FBN2: variants seen among roughly 807,000 people sequenced by gnomAD.
FBN2 encodes fibrillin 2.
Under a neutral mutation model 355.6 loss-of-function variants are expected in FBN2, and 105 were observed. The observed-to-expected ratio is 0.30, with a 90% CI of 0.25 to 0.35. FBN2 has a LOEUF of 0.35. Ranked by LOEUF, FBN2 falls within the 10% of genes least tolerant of loss-of-function variation. The probability of loss-of-function intolerance (pLI) is 1.00; values close to 1 mark genes in which losing one functional copy is unlikely to be tolerated. For synonymous variants in FBN2, 1,350 were observed against 1,301.2 expected, an observed-to-expected ratio of 1.04 and a Z score of -0.81; for missense variants, 3,280 against 3,758.7, an observed-to-expected ratio of 0.87 and a Z score of 3.33.
intron 23 of FBN2, among the ~76,000 whole-genome samples, chr5:128,346,060 GT>G (rs983010402): frequency 1.3e-3 from 195 of 147,780 alleles, no homozygotes; most frequent in African/African-American, 3.2e-3. Context: ...TACATTTAAA[GT>G]TTTTTTTTTT....
chr5:128,304,214 T>C (rs1395020156), intron 45 of FBN2, among the ~76,000 whole-genome samples: 1 of 152,210 alleles, frequency 6.6e-6, no homozygotes, highest in Non-Finnish European at 1.5e-5. Context: ...AATTTAATTT[T>C]CCCCTTTCAA....
At chr5:128,361,405 C>T (rs1321084796) in intron 19 of FBN2, among the ~76,000 whole-genome samples, 2 of 152,182 alleles carry the variant, frequency 1.3e-5, no homozygotes, top group Non-Finnish European at 2.9e-5. Context: ...GAGGAAAACA[C>T]AGTAAACAAA....
intron 62 of FBN2, among the ~76,000 whole-genome samples, chr5:128,270,813 C>G (rs1346693177): frequency 6.6e-6 from 1 of 151,966 alleles, no homozygotes; most frequent in Admixed American, 6.6e-5. Context: ...GTTTATGAAT[C>G]AATAAATCTG....
At chr5:128,474,036 G>A (rs887842558) in intron 5 of FBN2, among the ~76,000 whole-genome samples, 1 of 152,150 alleles carries the variant, frequency 6.6e-6, no homozygotes, top group Non-Finnish European at 1.5e-5. Flanking sequence ...AGGCCGTAAC[G>A]ATAATTAGGT....
At chr5:128,508,181 T>C (rs1477635361) in intron 5 of FBN2, among the ~76,000 whole-genome samples, 3 of 152,022 alleles carry the variant, frequency 2.0e-5, no homozygotes, top group Non-Finnish European at 4.4e-5. Flanking sequence ...AGATTTCTTA[T>C]AGGCAGCATA....
At chr5:128,349,866 G>A in intron 22 of FBN2, 89 bp downstream of exon 22, 1 of 1,018,688 alleles carries the variant, frequency 9.8e-7, no homozygotes, top group Non-Finnish European at 1.5e-6. Context: ...TTTTGAAAAT[G>A]ATAAATATCT....
chr5:128,459,595 A>C (rs1275874511), intron 6 of FBN2, among the ~76,000 whole-genome samples: 1 of 152,202 alleles, frequency 6.6e-6, no homozygotes, highest in African/African-American at 2.4e-5. Context: ...CACATCAAAA[A>C]ACTTATCCAC....
chr5:128,361,358 A>T (rs111379016), intron 19 of FBN2, among the ~76,000 whole-genome samples: 4 of 152,334 alleles, frequency 2.6e-5, no homozygotes, highest in African/African-American at 9.6e-5. Context: ...ATTACGATTC[A>T]GGTTCCTACA....
chr5:128,424,722 G>A (rs1753441835), intron 7 of FBN2, among the ~76,000 whole-genome samples: 1 of 152,146 alleles, frequency 6.6e-6, no homozygotes, highest in African/African-American at 2.4e-5. Context: ...TACTACTGCA[G>A]CAAAGTAATG....
chr5:128,331,922 G>A (rs986331689), intron 32 of FBN2, among the ~76,000 whole-genome samples: 4 of 152,098 alleles, frequency 2.6e-5, no homozygotes, highest in African/African-American at 4.8e-5. Context: ...ATGGGGCTAC[G>A]AAAATGGGAA....
intron 14 of FBN2, among the ~76,000 whole-genome samples, chr5:128,375,910 T>C (rs1752066189): frequency 6.6e-6 from 1 of 151,956 alleles, no homozygotes; most frequent in African/African-American, 2.4e-5. Context: ...TGGGGGCACA[T>C]GCATGTACTC....
intron 6 of FBN2, among the ~76,000 whole-genome samples, chr5:128,457,940 C>T (rs557645091): frequency 1.4e-4 from 22 of 151,942 alleles, no homozygotes; most frequent in Non-Finnish European, 1.6e-4. Flanking sequence ...TTATGATAAC[C>T]GGATCAAATT....
intron 5 of FBN2, among the ~76,000 whole-genome samples, chr5:128,496,498 A>C (rs1755658750): frequency 6.6e-6 from 1 of 152,104 alleles, no homozygotes; most frequent in African/African-American, 2.4e-5. Flanking sequence ...AGTAGAAGGG[A>C]ACTTCCTCAG....
Position 128,272,123 on chromosome 5 carries a change from A to G in FBN2, c.7841-5T>C, listed in dbSNP as rs759085615. ...TCCCATCACATTCATCAACATCTGCAAAAACAAGCCCGGCAAAACCTTTAT... is the reference window on the plus strand; with the variant it reads ...TCCCATCACATTCATCAACATCTGCGAAAACAAGCCCGGCAAAACCTTTAT... On this transcript the variant is annotated splice_polypyrimidine_tract_variant and splice_region_variant and intron_variant, in intron 61 of 64. Transcript: ENST00000262464. 2 of 1,614,000 alleles carry G rather than the reference A, an allele frequency of 1.2e-6. No individual in the cohort carries two copies. Among genetic ancestry groups the G allele is most frequent in the South Asian group, 2.2e-5 (2 of 91,082 alleles).
At chr5:128,269,283 GTAA>G (rs3989391) in intron 62 of FBN2, among the ~76,000 whole-genome samples, 11,861 of 145,068 alleles carry the variant, frequency 0.082, 1,208 homozygotes, top group East Asian at 0.54. Flanking sequence ...AATAATAATA[GTAA>G]TAATAATAAT....
At position 128,267,176 on chromosome 5, in the gene FBN2, T is replaced by G. The variant is rs151062792; in HGVS notation, c.7961-3520A>C. On this transcript the variant is annotated intron_variant, in intron 62 of 64. Transcript: ENST00000262464. ...GCTCTCATTCCTTTTTATGGCTGCA[T>G]AGTATTCCATGGTGTATATGTACCA... is the stretch of plus-strand genomic sequence containing the variant. Among the ~76,000 whole-genome samples, 974 of 152,340 alleles carry G rather than the reference T, an allele frequency of 6.4e-3. 10 individuals are homozygous for G. Among genetic ancestry groups the G allele is most frequent in the African/African-American group, 0.022 (905 of 41,566 alleles).
intron 23 of FBN2, among the ~76,000 whole-genome samples, chr5:128,348,124 G>A (rs896538444): frequency 6.6e-6 from 1 of 152,124 alleles, no homozygotes; most frequent in African/African-American, 2.4e-5. Flanking sequence ...TTATTTTGCT[G>A]AGTAATAATT....
chr5:128,323,145 A>G lies in FBN2; in HGVS notation c.4472-4144T>C, dbSNP rs539790626. ...ACTGCTGAAATTGCTTATCAGCTTT[A>G]GGAGATTTTGGGCCGAGATGATGCG... On this transcript the variant is annotated intron_variant, in intron 34 of 64. Transcript: ENST00000262464. Among the ~76,000 whole-genome samples, 4 of 152,316 alleles carry G rather than the reference A, an allele frequency of 2.6e-5. No individual in the cohort carries two copies. The South Asian group carries it at 8.3e-4, about 32-fold the overall frequency.
rs114097132 is a variant in FBN2, at chr5:128,312,180, A to G, written c.4880-227T>C. On this transcript the variant is annotated intron_variant, in intron 37 of 64. Transcript: ENST00000262464. ...TAACACGAACCATTTGTTTTTAATT[A>G]AAGAAAAAATTCCCTTGCAGCTCTT... 6.9e-3 allele frequency among the ~76,000 whole-genome samples: 1,052 copies of G among 152,324 alleles called. 9 individuals carry two copies. The highest frequency in any genetic ancestry group is 0.024 in the African/African-American group (991 of 41,586).
Sources: allele counts gnomAD v4.1 joint callset (sites outside exome capture counted in the v4.1 genomes callset), GRCh38; gene constraint gnomAD v4.1.1; transcripts MANE v1.5; gene names NCBI Gene and HGNC (gene_info 2026-07-23, HGNC 2026-07-21).